WDR70: variants seen among roughly 807,000 people sequenced by gnomAD.
The protein encoded by WDR70 is WD repeat domain 70.
WDR70 carries 53 observed loss-of-function variants against 88.6 expected under a neutral mutation model. The ratio of observed to expected loss-of-function variants is 0.60; its 90% CI spans 0.48 to 0.75. WDR70 has a LOEUF of 0.75. Ranked by LOEUF, WDR70 falls within the 30% of genes least tolerant of loss-of-function variation. The pLI is 0.00. For missense variants in WDR70, 610 were observed against 823.2 expected (o/e 0.74, Z 3.17); for synonymous variants, 280 against 270.0 (o/e 1.04, Z -0.36).
intron 7 of WDR70, among the ~76,000 whole-genome samples, chr5:37,461,070 A>T (rs1738984476): frequency 1.4e-5 from 2 of 146,040 alleles, no homozygotes; most frequent in South Asian, 4.3e-4. Flanking sequence ...TCTATTGTTT[A>T]TTTTTTGTAA....
chr5:37,593,488 T>C (rs1743602843), intron 9 of WDR70, among the ~76,000 whole-genome samples: 1 of 152,242 alleles, frequency 6.6e-6, no homozygotes, highest in Non-Finnish European at 1.5e-5. Flanking sequence ...CTCATCCTTT[T>C]TTATGGCTGC....
intron 7 of WDR70, among the ~76,000 whole-genome samples, chr5:37,467,237 A>AC (rs1739182641): frequency 6.6e-6 from 1 of 151,476 alleles, no homozygotes; most frequent in Admixed American, 6.6e-5. Context: ...AAAAAAAAAA[A>AC]AACAAAAAAA....
chr5:37,477,983 A>G (rs991762539), intron 7 of WDR70, among the ~76,000 whole-genome samples: 1 of 152,176 alleles, frequency 6.6e-6, no homozygotes, highest in African/African-American at 2.4e-5. Context: ...AATGTATGCT[A>G]TTGTTAGTTG....
chr5:37,567,844 C>G (rs1742788662), intron 9 of WDR70, among the ~76,000 whole-genome samples: 1 of 152,170 alleles, frequency 6.6e-6, no homozygotes, highest in Non-Finnish European at 1.5e-5. Context: ...AGGTCGTTGT[C>G]AGGAGGATCC....
At chr5:37,456,641 T>TG (rs1323315508) in intron 7 of WDR70, among the ~76,000 whole-genome samples, 3 of 152,182 alleles carry the variant, frequency 2.0e-5, no homozygotes, top group African/African-American at 7.2e-5. Flanking sequence ...GTGTATTATA[T>TG]GGGGGTATTG....
intron 10 of WDR70, 93 bp downstream of exon 10, chr5:37,605,331 A>G: frequency 7.4e-7 from 1 of 1,355,132 alleles, no homozygotes; most frequent in Non-Finnish European, 9.8e-7. Flanking sequence ...AGTATTATGA[A>G]GGTGAATTTC....
chr5:37,593,220 C>T (rs983750576), intron 9 of WDR70, among the ~76,000 whole-genome samples: 4 of 152,112 alleles, frequency 2.6e-5, no homozygotes, highest in Admixed American at 6.5e-5. Flanking sequence ...AGGTTTGTTA[C>T]ATAGGTATAC....
chr5:37,605,212 A>T lies in WDR70; in HGVS notation c.1066A>T (p.Ile356Leu), dbSNP rs1162819984. ...AGCAGCTGCCTGCCAGAATGGAAGC[A>T]TACAGATCTGGGACCGAAATTTGAC... ...LIAAACQNGS[I>L]QIWDRNLTVH... Residue 356 changes from isoleucine to leucine, a missense_variant, in exon 10 of 18, where the codon ATA (isoleucine) becomes TTA (leucine). Transcript: ENST00000265107. The T allele has an allele frequency of 6.2e-7, 1 of 1,606,568 alleles. No individual in the cohort carries two copies. The highest frequency in any genetic ancestry group is 2.2e-5 in the East Asian group (1 of 44,650).
At chr5:37,741,567 G>A (rs867961721) in intron 17 of WDR70, among the ~76,000 whole-genome samples, 10 of 152,062 alleles carry the variant, frequency 6.6e-5, no homozygotes, top group East Asian at 3.9e-4. Flanking sequence ...ACCTAGATCC[G>A]TCACATGTGC....
intron 9 of WDR70, among the ~76,000 whole-genome samples, chr5:37,549,485 G>A (rs888289477): frequency 2.6e-5 from 4 of 152,032 alleles, no homozygotes; most frequent in African/African-American, 9.7e-5. Flanking sequence ...TGTTGATTTT[G>A]TATTCTGTAA....
intron 9 of WDR70, among the ~76,000 whole-genome samples, chr5:37,530,811 T>C (rs897752477): frequency 6.6e-6 from 1 of 151,144 alleles, no homozygotes; most frequent in East Asian, 1.9e-4. Context: ...TGAGTTATGC[T>C]CTGATCTTCA....
At chr5:37,706,482 T>C (rs1436630228) in intron 13 of WDR70, among the ~76,000 whole-genome samples, 1 of 152,104 alleles carries the variant, frequency 6.6e-6, no homozygotes, top group East Asian at 1.9e-4. Context: ...TTCCGTGCTG[T>C]TCTTGTGATA....
intron 13 of WDR70, among the ~76,000 whole-genome samples, chr5:37,704,951 A>G (rs55809800): frequency 0.021 from 3,208 of 152,124 alleles, 127 homozygotes; most frequent in African/African-American, 0.073. Flanking sequence ...ATTCTTGTTG[A>G]AATACAAGGT....
chr5:37,573,917 T>C (rs1454069066), intron 9 of WDR70, among the ~76,000 whole-genome samples: 1 of 152,104 alleles, frequency 6.6e-6, no homozygotes, highest in East Asian at 1.9e-4. Flanking sequence ...GAACATTCTT[T>C]GTTCTTGGCT....
chr5:37,598,584 G>T (rs1195793654), intron 9 of WDR70, among the ~76,000 whole-genome samples: 1 of 152,128 alleles, frequency 6.6e-6, no homozygotes, highest in Non-Finnish European at 1.5e-5. Flanking sequence ...CACAATAAGG[G>T]AAAGGGAAAG....
At chr5:37,405,548 C>T (rs914532821) in intron 5 of WDR70, among the ~76,000 whole-genome samples, 2 of 151,920 alleles carry the variant, frequency 1.3e-5, no homozygotes, top group Non-Finnish European at 2.9e-5. Context: ...CCAGTTTCCA[C>T]ATTGACCATA....
intron 13 of WDR70, among the ~76,000 whole-genome samples, chr5:37,715,625 A>T (rs1747631959): frequency 6.6e-6 from 1 of 152,220 alleles, no homozygotes; most frequent in Admixed American, 6.5e-5. Flanking sequence ...TGGCAAGGCC[A>T]TCCCAAGTTT....
rs565455054 is a variant in WDR70, at chr5:37,507,171, T to C, written c.841-9343T>C. Among the ~76,000 whole-genome samples the C allele has an allele frequency of 7.2e-5, 11 of 152,368 alleles. 1 individual carries two copies. The South Asian group carries it at 2.3e-3, about 32-fold the overall frequency. On this transcript the variant is annotated intron_variant, in intron 8 of 17. Transcript: ENST00000265107. The stretch of plus-strand genomic sequence containing the variant: ...TGACTATTCTAATTTCTTTACTTTT[T>C]CATGTAAATTTTAGAAGCACCCTGT...
At chr5:37,386,402 A>T (rs1459037560) in intron 3 of WDR70, among the ~76,000 whole-genome samples, 1 of 152,130 alleles carries the variant, frequency 6.6e-6, no homozygotes, top group East Asian at 1.9e-4. Context: ...ATCTAGGCTC[A>T]CTGCAACCTC....
Sources: allele counts gnomAD v4.1 joint callset (sites outside exome capture counted in the v4.1 genomes callset), GRCh38; gene constraint gnomAD v4.1.1; transcripts MANE v1.5; gene names NCBI Gene and HGNC (gene_info 2026-07-23, HGNC 2026-07-21).